Variants in TACR3 observed in about 807,000 individuals in gnomAD.
The protein encoded by TACR3 is tachykinin receptor 3, also known as neuromedin-K receptor.
A neutral mutation model predicts 35.0 loss-of-function variants in TACR3; 34 were observed. That is an observed-to-expected ratio of 0.97 (90% CI 0.74 to 1.30). The LOEUF (loss-of-function observed/expected upper bound fraction) is 1.30, where lower values mean the gene tolerates loss of function less well. Ranked by LOEUF, TACR3 falls within the 50% of genes most tolerant of loss-of-function variation. TACR3 has a pLI of 0.00. For synonymous variants in TACR3, 233 were observed against 221.1 expected, an observed-to-expected ratio of 1.05 and a Z score of -0.48; for missense variants, 558 against 591.7, an observed-to-expected ratio of 0.94 and a Z score of 0.59.
At chr4:103,706,261 A>G (rs767318150) in intron 1 of TACR3, among the ~76,000 whole-genome samples, 3 of 152,190 alleles carry the variant, frequency 2.0e-5, no homozygotes, top group Non-Finnish European at 4.4e-5. Context: ...GTAACTGAGT[A>G]TACATGACCA....
chr4:103,713,528 G>A (rs1052144960), intron 1 of TACR3, among the ~76,000 whole-genome samples: 1 of 150,726 alleles, frequency 6.6e-6, no homozygotes, highest in Non-Finnish European at 1.5e-5. Context: ...TGTAAATGAC[G>A]AGTTAATGGG....
intron 3 of TACR3, among the ~76,000 whole-genome samples, chr4:103,636,056 A>G (rs571176676): frequency 3.3e-5 from 5 of 152,158 alleles, no homozygotes; most frequent in Admixed American, 1.3e-4. Flanking sequence ...TCTCAAAAAT[A>G]AACAGCTAAA....
At chr4:103,593,821 GCTCTTT>G (rs1461968146) in intron 3 of TACR3, among the ~76,000 whole-genome samples, 6 of 152,050 alleles carry the variant, frequency 3.9e-5, no homozygotes, top group Non-Finnish European at 7.4e-5. Flanking sequence ...CTCTTAGCTT[GCTCTTT>G]CTCTTCAGTT....
intron 3 of TACR3, among the ~76,000 whole-genome samples, chr4:103,619,958 A>G (rs1724739553): frequency 6.6e-6 from 1 of 152,202 alleles, no homozygotes; most frequent in Admixed American, 6.5e-5. Flanking sequence ...TCAACAGAGC[A>G]AACAGACAAC....
intron 1 of TACR3, among the ~76,000 whole-genome samples, chr4:103,673,261 C>G (rs1726090813): frequency 6.6e-6 from 1 of 152,136 alleles, no homozygotes; most frequent in Non-Finnish European, 1.5e-5. Flanking sequence ...GTGCAAGAGG[C>G]CTAGCTTTCA....
intron 3 of TACR3, among the ~76,000 whole-genome samples, chr4:103,642,712 G>A (rs968510859): frequency 7.9e-5 from 12 of 151,686 alleles, no homozygotes; most frequent in African/African-American, 2.9e-4. Flanking sequence ...CGTACATACA[G>A]GTAGATATAA....
At chr4:103,710,732 G>GATA (rs1722927714) in intron 1 of TACR3, among the ~76,000 whole-genome samples, 1 of 152,042 alleles carries the variant, frequency 6.6e-6, no homozygotes. Context: ...CAACAAAATT[G>GATA]ATAGACTGCT....
intron 1 of TACR3, among the ~76,000 whole-genome samples, chr4:103,675,815 C>T (rs1726158238): frequency 6.6e-6 from 1 of 151,884 alleles, no homozygotes; most frequent in African/African-American, 2.4e-5. Flanking sequence ...GAGCAAGGGA[C>T]CCTATTGGTG....
intron 1 of TACR3, among the ~76,000 whole-genome samples, chr4:103,678,986 T>C (rs1223229533): frequency 1.3e-5 from 2 of 152,004 alleles, no homozygotes; most frequent in African/African-American, 4.8e-5. Context: ...TTTTCATGTC[T>C]CACCACTGAA....
intron 3 of TACR3, among the ~76,000 whole-genome samples, chr4:103,639,646 A>T (rs938619875): frequency 2.0e-5 from 3 of 152,016 alleles, no homozygotes; most frequent in African/African-American, 7.2e-5. Context: ...AATGTAAAGA[A>T]ATACTTTTAT....
intron 3 of TACR3, among the ~76,000 whole-genome samples, chr4:103,637,385 G>A (rs962020992): frequency 1.3e-5 from 2 of 151,916 alleles, no homozygotes; most frequent in African/African-American, 2.4e-5. Context: ...ACAAAATTCA[G>A]CAACCCTTCA....
chr4:103,719,723 C>T lies in TACR3; in HGVS notation c.-48G>A. 3.1e-6 allele frequency: 5 copies of T among 1,599,278 alleles called. No individual in the cohort carries two copies. The highest frequency in any genetic ancestry group is 4.2e-6 in the Non-Finnish European group (5 of 1,178,550). On this transcript the variant is annotated 5_prime_UTR_variant, in exon 1 of 5. Coordinates refer to ENST00000304883, the MANE Select transcript of TACR3 (RefSeq NM_001059.3). The stretch of plus-strand genomic sequence containing the variant: ...ACCCTCCCACTCACCCACGGGCAGC[C>T]CAAGACGAGACTCCTCTGAAGTTCT...
At chr4:103,698,905 A>AC (rs1314019094) in intron 1 of TACR3, among the ~76,000 whole-genome samples, 1 of 152,150 alleles carries the variant, frequency 6.6e-6, no homozygotes, top group Non-Finnish European at 1.5e-5. Flanking sequence ...CATCACATGT[A>AC]CCCCCCATAA....
rs971437592 is a variant in TACR3, at chr4:103,719,848, A to G, written c.-173T>C. The G allele has an allele frequency of 1.2e-6, 1 of 800,426 alleles. No homozygotes were observed. The highest frequency in any genetic ancestry group is 2.7e-5 in the Admixed American group (1 of 37,122). 49.6% of individuals were successfully genotyped at this position (800,426 alleles called of 1,614,324 possible). A position where few individuals can be genotyped will look rare whatever the true frequency, so the allele number is the denominator to read the frequency against. On this transcript the variant is annotated 5_prime_UTR_variant, in exon 1 of 5. Transcript: ENST00000304883. Reference sequence around the variant, plus strand: ...TGGTTAGGGGATGCAGCTGGGGCTAAGGGGCAACAGCTGCACTTTCTCAGA... The same window carrying G: ...TGGTTAGGGGATGCAGCTGGGGCTAGGGGGCAACAGCTGCACTTTCTCAGA...
At chr4:103,701,979 C>A (rs1322860768) in intron 1 of TACR3, among the ~76,000 whole-genome samples, 1 of 152,144 alleles carries the variant, frequency 6.6e-6, no homozygotes, top group Non-Finnish European at 1.5e-5. Context: ...CCATTCAGGA[C>A]ATAGGCACGG....
chr4:103,717,160 A>G (rs1326450803), intron 1 of TACR3, among the ~76,000 whole-genome samples: 2 of 152,136 alleles, frequency 1.3e-5, no homozygotes, highest in African/African-American at 2.4e-5. Context: ...GAGAGTTTTA[A>G]TAATTGTTGT....
chr4:103,690,401 G>A (rs1361367718), intron 1 of TACR3, among the ~76,000 whole-genome samples: 2 of 152,154 alleles, frequency 1.3e-5, no homozygotes, highest in African/African-American at 4.8e-5. Context: ...AAGACAAAAA[G>A]TTACTAGAGA....
At chr4:103,719,050 T>G in intron 1 of TACR3, 78 bp downstream of exon 1, 1 of 1,584,678 alleles carries the variant, frequency 6.3e-7, no homozygotes, top group Non-Finnish European at 8.6e-7. Context: ...CGTTACTATT[T>G]CCTTTGTAAT....
chr4:103,607,159 A>T (rs1724394575), intron 3 of TACR3, among the ~76,000 whole-genome samples: 1 of 152,200 alleles, frequency 6.6e-6, no homozygotes, highest in African/African-American at 2.4e-5. Context: ...AGAGATAATA[A>T]TTCTTAATTA....
Sources: gnomAD v4.1 joint callset for allele counts (sites outside exome capture counted in the v4.1 genomes callset) on GRCh38, gnomAD v4.1.1 for gene constraint, MANE v1.5 for transcripts, NCBI Gene and HGNC (gene_info 2026-07-23, HGNC 2026-07-21) for gene names.